FAM133B: variants seen among roughly 807,000 people sequenced by gnomAD.
The protein encoded by FAM133B is protein FAM133B.
A neutral mutation model predicts 46.4 loss-of-function variants in FAM133B; 25 were observed. That is an observed-to-expected ratio of 0.54 (90% CI 0.39 to 0.75). The LOEUF (loss-of-function observed/expected upper bound fraction) is 0.75, where lower values mean the gene tolerates loss of function less well. Among genes scored for constraint, FAM133B ranks in the 30% least tolerant of loss-of-function variants. The pLI is 0.00. For missense variants in FAM133B, 205 were observed against 277.6 expected (o/e 0.74, Z 1.86); for synonymous variants, 75 against 86.0 (o/e 0.87, Z 0.71).
At chr7:92,576,131 T>C (rs1794689013) in intron 7 of FAM133B, among the ~76,000 whole-genome samples, 1 of 152,250 alleles carries the variant, frequency 6.6e-6, no homozygotes, top group African/African-American at 2.4e-5. Flanking sequence ...TGGTCACATG[T>C]ACTGGAGTTG....
Position 92,566,047 on chromosome 7 carries a change from CT to C in FAM133B, c.623del (p.Lys208ArgfsTer62), listed in dbSNP as rs1302208519. 2 of 1,613,570 alleles carry C rather than the reference CT, an allele frequency of 1.2e-6. No individual in the cohort carries two copies. Among genetic ancestry groups the C allele is most frequent in the Non-Finnish European group, 1.7e-6 (2 of 1,179,830 alleles). On this transcript the variant is annotated frameshift_variant, in exon 10 of 11. Coordinates refer to ENST00000445716, the MANE Select transcript of FAM133B (RefSeq NM_152789.4). LOFTEE classifies it high-confidence loss of function. ...SEYIEEVRAKKKKSSEEREKA... is the reference protein window; with the variant it reads ...SEYIEEVRAKXKKSSEEREKA... ...TTTCTCGTTCTTCACTGCTTTTCTT[CT>C]TTTTTGCTCGCACCTAGAAAGTTTA...
At position 92,581,561 on chromosome 7, in the gene FAM133B, T is replaced by C. The variant is rs761307552; in HGVS notation, c.67A>G (p.Ile23Val). ...TGTATTGTTGGCCCTGAAGACTGGATTGGACCCCTTGATCTCGCCATTGCT... is the reference window on the plus strand; with the variant it reads ...TGTATTGTTGGCCCTGAAGACTGGACTGGACCCCTTGATCTCGCCATTGCT... The part of the protein sequence containing the change: ...PIAMARSRGP[I>V]QSSGPTIQDY... Residue 23 changes from isoleucine to valine, a missense_variant, in exon 2 of 11, where the codon ATC becomes GTC. Ile to Val is a conservative substitution (Grantham distance 29). Coordinates refer to ENST00000445716, the MANE Select transcript of FAM133B (RefSeq NM_152789.4). The C allele has an allele frequency of 1.4e-5, 23 of 1,613,814 alleles. No homozygotes were observed. The highest frequency in any genetic ancestry group is 6.6e-5 in the South Asian group (6 of 91,088).
chr7:92,577,878 G>T, intron 5 of FAM133B, 161 bp from the exon 6 acceptor site: 1 of 689,762 alleles, frequency 1.4e-6, no homozygotes, highest in Non-Finnish European at 2.4e-6. Context: ...CTTGTTCCCT[G>T]TACAAAAGCT....
At chr7:92,563,709 T>C (rs1242775336) in intron 10 of FAM133B, among the ~76,000 whole-genome samples, 4 of 152,232 alleles carry the variant, frequency 2.6e-5, no homozygotes, top group East Asian at 1.9e-4. Context: ...AACAAAATGC[T>C]TCATTTTTCT....
intron 1 of FAM133B, among the ~76,000 whole-genome samples, chr7:92,586,417 C>A (rs1034696195): frequency 6.6e-6 from 1 of 152,172 alleles, no homozygotes; most frequent in African/African-American, 2.4e-5. Flanking sequence ...CACAAAGGTA[C>A]AGGAGTTTTC....
intron 9 of FAM133B, among the ~76,000 whole-genome samples, chr7:92,568,482 C>G (rs1278639788): frequency 6.6e-6 from 1 of 151,440 alleles, no homozygotes; most frequent in African/African-American, 2.4e-5. Context: ...CTCAGCCTCC[C>G]GAGTAGCTGG....
chr7:92,577,564 C>G, intron 6 of FAM133B, 91 bp downstream of exon 6: 1 of 1,108,776 alleles, frequency 9.0e-7, no homozygotes, highest in Non-Finnish European at 1.2e-6. Context: ...TGGAAGTCAA[C>G]ATTTCTAACA....
chr7:92,587,708 TG>T (rs1286247144), intron 1 of FAM133B, among the ~76,000 whole-genome samples: 1 of 152,164 alleles, frequency 6.6e-6, no homozygotes, highest in South Asian at 2.1e-4. Context: ...CACTCCAGCT[TG>T]GGCAAGAGTG....
In FAM133B at chr7:92,580,966, G is replaced by C. The variant is rs899314733; in HGVS notation, c.122+540C>G. On this transcript the variant is annotated intron_variant, in intron 2 of 10. Coordinates refer to ENST00000445716, the MANE Select transcript of FAM133B (RefSeq NM_152789.4). ...TTTCAACCAGTTGCCTAGTTTTCAGGGGCACTTGGGATTCTGAAGTTAACA... is the reference window on the plus strand; with the variant it reads ...TTTCAACCAGTTGCCTAGTTTTCAGCGGCACTTGGGATTCTGAAGTTAACA... 4.9e-4 allele frequency among the ~76,000 whole-genome samples: 74 copies of C among 152,186 alleles called. 1 individual carries two copies.
chr7:92,574,000 G>C (rs1794616295), intron 8 of FAM133B, among the ~76,000 whole-genome samples: 1 of 151,708 alleles, frequency 6.6e-6, no homozygotes, highest in East Asian at 1.9e-4. Flanking sequence ...CATCACGCCT[G>C]GTTAGTTTTT....
intron 7 of FAM133B, 49 bp from the exon 8 acceptor site, chr7:92,575,870 T>C (rs1333005229): frequency 2.3e-6 from 2 of 884,034 alleles, no homozygotes; most frequent in African/African-American, 3.4e-5. Flanking sequence ...GGACACAGCA[T>C]TACAGAACAA....
rs1390488436 is a variant in FAM133B, at chr7:92,562,210, T to G, written c.*72A>C. 52 of 1,444,938 alleles carry G rather than the reference T, an allele frequency of 3.6e-5. No homozygotes were observed. The South Asian group carries it at 6.3e-4, about 17-fold the overall frequency. 89.5% of individuals were successfully genotyped at this position (1,444,938 alleles called of 1,614,324 possible). On this transcript the variant is annotated 3_prime_UTR_variant, in exon 11 of 11. Coordinates refer to ENST00000445716, the MANE Select transcript of FAM133B (RefSeq NM_152789.4). ...AATTCATGCATTTTAGTAAATATGT[T>G]GTAGTTTTCACAGTTGAAATTTCCT...
chr7:92,569,451 C>A (rs1292117832), intron 9 of FAM133B: 9 of 153,484 alleles, frequency 5.9e-5, no homozygotes, highest in Non-Finnish European at 1.3e-4. Flanking sequence ...TAAATATCAA[C>A]TAAACTGAGA....
intron 10 of FAM133B, 41 bp from the exon 11 acceptor site, chr7:92,562,409 T>TA: frequency 6.6e-7 from 1 of 1,512,928 alleles, no homozygotes; most frequent in Non-Finnish European, 8.8e-7. Flanking sequence ...TATATAAAAA[T>TA]ACGCAAATTA....
chr7:92,579,158 T>C (rs1794789596), intron 3 of FAM133B, 159 bp downstream of exon 3: 1 of 612,310 alleles, frequency 1.6e-6, no homozygotes, highest in Non-Finnish European at 2.9e-6. Context: ...TTTTTTTTAA[T>C]GGAGACAAGG....
chr7:92,568,451 G>A (rs1284533886), intron 9 of FAM133B, among the ~76,000 whole-genome samples: 3 of 151,718 alleles, frequency 2.0e-5, no homozygotes, highest in Admixed American at 6.6e-5. Context: ...TCCGCCTCCC[G>A]GGTTCAAGTG....
intron 8 of FAM133B, among the ~76,000 whole-genome samples, chr7:92,571,291 TAC>T (rs1394341500): frequency 3.3e-5 from 5 of 152,222 alleles, no homozygotes; most frequent in African/African-American, 7.2e-5. Context: ...TATCAGAGAA[TAC>T]AGTTTGTGTT....
At chr7:92,585,671 TGAAA>T (rs756448459) in intron 1 of FAM133B, among the ~76,000 whole-genome samples, 124 of 152,120 alleles carry the variant, frequency 8.2e-4, no homozygotes, top group African/African-American at 2.8e-3. Context: ...GTTGCCAAAA[TGAAA>T]GAATTATTTT....
intron 8 of FAM133B, among the ~76,000 whole-genome samples, chr7:92,575,165 T>G (rs892670506): frequency 1.3e-5 from 2 of 152,194 alleles, no homozygotes; most frequent in African/African-American, 4.8e-5. Flanking sequence ...AAAGAGAAAT[T>G]AATGTTCTTT....
Sources: allele counts gnomAD v4.1 joint callset (sites outside exome capture counted in the v4.1 genomes callset), GRCh38; gene constraint gnomAD v4.1.1; transcripts MANE v1.5; gene names NCBI Gene and HGNC (gene_info 2026-07-23, HGNC 2026-07-21).